ZNF600: variants seen among roughly 807,000 people sequenced by gnomAD.
The protein encoded by ZNF600 is zinc finger protein KR-ZNF1.
In ZNF600, 4 loss-of-function variants were observed where a neutral mutation model predicts 7.3. That is an observed-to-expected ratio of 0.55 (90% CI 0.27 to 1.25). The LOEUF is 1.25. ZNF600 is among the 50% of genes most tolerant of loss of function. The pLI is 0.12. For synonymous variants in ZNF600, 290 were observed against 308.9 expected (o/e 0.94, Z 0.64); for missense variants, 911 against 922.1 (o/e 0.99, Z 0.16).
intron 3 of ZNF600, among the ~76,000 whole-genome samples, chr19:52,769,325 C>T (rs1367003202): frequency 6.6e-6 from 1 of 152,182 alleles, no homozygotes; most frequent in Non-Finnish European, 1.5e-5. Flanking sequence ...CCTTCGTGTT[C>T]CGTCCTGTAC....
the ZNF600 span, among the ~76,000 whole-genome samples, chr19:52,823,300 A>C: frequency 6.6e-6 from 1 of 151,992 alleles, no homozygotes; most frequent in Non-Finnish European, 1.5e-5. Context: ...TGTGACCTCC[A>C]TCTCCCGGGT....
At chr19:52,798,860 C>T in the ZNF600 span, 33 of 1,311,302 alleles carry the variant, frequency 2.5e-5, no homozygotes, top group Non-Finnish European at 3.4e-5. Context: ...GTCAAGTTTC[C>T]CTATACTATG....
At chr19:52,832,477 C>T in the ZNF600 span, among the ~76,000 whole-genome samples, 12,785 of 151,868 alleles carry the variant, frequency 0.084, 935 homozygotes, top group Admixed American at 0.21. Flanking sequence ...TGCCTGTAAT[C>T]CCAGCCACTC....
chr19:52,773,809 T>C (rs547297305), intron 3 of ZNF600, among the ~76,000 whole-genome samples: 47 of 151,998 alleles, frequency 3.1e-4, no homozygotes, highest in African/African-American at 1.1e-3. Context: ...AGGTGGAGGT[T>C]GCAGTGAGCT....
intron 2 of ZNF600, among the ~76,000 whole-genome samples, chr19:52,777,310 A>G (rs1483656318): frequency 6.6e-6 from 1 of 152,120 alleles, no homozygotes; most frequent in Non-Finnish European, 1.5e-5. Context: ...GCCAGAAGGC[A>G]GAGGGGCAGG....
the ZNF600 span, among the ~76,000 whole-genome samples, chr19:52,818,885 G>GA: frequency 1.1e-3 from 130 of 114,310 alleles, 3 homozygotes; most frequent in East Asian, 6.4e-3. Context: ...GTCTGTTTGG[G>GA]AAAAAAAAAA....
upstream of ZNF600, among the ~76,000 whole-genome samples, chr19:52,789,667 C>G (rs531091300): frequency 2.7e-4 from 41 of 152,166 alleles, no homozygotes; most frequent in Admixed American, 2.0e-3. Flanking sequence ...TGGGAGGATC[C>G]CTTGAGGCCA....
At chr19:52,794,150 GCC>G in the ZNF600 span, among the ~76,000 whole-genome samples, 2 of 151,978 alleles carry the variant, frequency 1.3e-5, no homozygotes, top group Non-Finnish European at 2.9e-5. Context: ...GTGGGTTAAA[GCC>G]CTGAGATGAG....
rs367617332 is a variant in ZNF600 at position 52,778,044 on chromosome 19, C to T, written c.63+782G>A. Among the ~76,000 whole-genome samples the T allele has an allele frequency of 1.2e-4, 19 of 152,132 alleles. No homozygotes were observed. In the East Asian group the frequency reaches 3.7e-3, roughly 29 times the overall value. ...TCTCTTTTCTTTTGAGACAGAGTCT[C>T]ACTCTGTCTCCCAGGCTGGAGTGCA... On this transcript the variant is annotated intron_variant, in intron 2 of 3. Transcript: ENST00000648973.
chr19:52,771,121 C>A (rs1045236181), intron 3 of ZNF600, among the ~76,000 whole-genome samples: 1 of 152,010 alleles, frequency 6.6e-6, no homozygotes, highest in Non-Finnish European at 1.5e-5. Context: ...GTGTAAGCCA[C>A]CACGACTGGC....
chr19:52,809,843 C>T, the ZNF600 span: 8 of 572,198 alleles, frequency 1.4e-5, no homozygotes, highest in Admixed American at 3.5e-5. Context: ...GCGGCGGTGG[C>T]GGTGGTGGCA....
chr19:52,817,994 T>C, the ZNF600 span: 1 of 1,610,468 alleles, frequency 6.2e-7, no homozygotes, highest in Non-Finnish European at 8.5e-7. Flanking sequence ...CTCTTCTGGG[T>C]TTCTTCCTCA....
At chr19:52,796,247 C>T in the ZNF600 span, among the ~76,000 whole-genome samples, 10 of 152,248 alleles carry the variant, frequency 6.6e-5, no homozygotes, top group African/African-American at 2.4e-4. Context: ...CCAATTAACA[C>T]GAACCTCAGG....
the ZNF600 span, among the ~76,000 whole-genome samples, chr19:52,824,093 A>G: frequency 1.1e-4 from 17 of 151,428 alleles, no homozygotes; most frequent in African/African-American, 4.1e-4. Flanking sequence ...AATAATAATA[A>G]TAATAATAAT....
At chr19:52,775,519 T>C (rs2062667623) in intron 2 of ZNF600, among the ~76,000 whole-genome samples, 2 of 151,980 alleles carry the variant, frequency 1.3e-5, no homozygotes, top group African/African-American at 2.4e-5. Context: ...CACTGCACTT[T>C]AGCCTGGCAA....
At chr19:52,824,497 T>A in the ZNF600 span, among the ~76,000 whole-genome samples, 3 of 151,910 alleles carry the variant, frequency 2.0e-5, no homozygotes, top group African/African-American at 7.3e-5. Flanking sequence ...TAGCGAGGTG[T>A]GGTGGTGCGC....
In ZNF600 at chr19:52,781,467, C is replaced by G. The variant is rs4802995; in HGVS notation, c.-19-2560G>C. The G allele has an allele frequency of 0.34, 51,508 of 152,062 alleles. 11,139 individuals carry two copies. The highest frequency in any genetic ancestry group is 0.49 in the Non-Finnish European group (33,197 of 67,974). The allele number at this position is 152,062 out of a possible 1,614,324, so 9.4% of individuals were successfully genotyped here. The stretch of plus-strand genomic sequence containing the variant: ...AATAGGCTGCCTTGGTCTTCCTCCT[C>G]TAGAAAATTCCAAGACCAGCCAGGA... On this transcript the variant is annotated intron_variant, in intron 1 of 3. Coordinates refer to ENST00000648973, the Ensembl canonical transcript of ZNF600.
At chr19:52,811,661 G>C in the ZNF600 span, among the ~76,000 whole-genome samples, 4 of 142,608 alleles carry the variant, frequency 2.8e-5, no homozygotes, top group African/African-American at 1.1e-4. Context: ...CCTGGCAACC[G>C]CCCCGTCTGA....
the ZNF600 span, chr19:52,800,568 A>T: frequency 6.2e-7 from 1 of 1,613,072 alleles, no homozygotes; most frequent in African/African-American, 1.3e-5. Flanking sequence ...ATGTTTTGCC[A>T]GGTATGAATT....
Sources: allele counts gnomAD v4.1 joint callset (sites outside exome capture counted in the v4.1 genomes callset), GRCh38; gene constraint gnomAD v4.1.1; transcripts MANE v1.5; gene names NCBI Gene and HGNC (gene_info 2026-07-23, HGNC 2026-07-21).